ARHGAP10: variants seen among roughly 807,000 people sequenced by gnomAD.
ARHGAP10 encodes the protein rho GTPase-activating protein 10.
ARHGAP10 carries 87 observed loss-of-function variants against 108.6 expected under a neutral mutation model. The observed-to-expected ratio is 0.80, with a 90% CI of 0.67 to 0.96. The LOEUF (loss-of-function observed/expected upper bound fraction) is 0.96. ARHGAP10 is among the 40% of genes least tolerant of loss of function. The pLI is 0.00. For synonymous variants in ARHGAP10, 347 were observed against 341.1 expected (o/e 1.02, Z -0.19); for missense variants, 939 against 954.5 (o/e 0.98, Z 0.21).
chr4:147,968,903 G>C (rs1045989201), intron 18 of ARHGAP10, among the ~76,000 whole-genome samples: 7 of 152,188 alleles, frequency 4.6e-5, no homozygotes, highest in Admixed American at 2.0e-4. Context: ...GGGGGCGGAA[G>C]CCATGTTTTG....
At chr4:148,062,767 G>A (rs1315063224) in intron 20 of ARHGAP10, among the ~76,000 whole-genome samples, 2 of 152,108 alleles carry the variant, frequency 1.3e-5, no homozygotes, top group African/African-American at 4.8e-5. Flanking sequence ...GCAGCTGCCG[G>A]TCATGTGCTT....
In ARHGAP10 at chr4:147,946,624, A is replaced by C; in HGVS notation, c.1311A>C (p.Lys437Asn). 6.2e-7 allele frequency: 1 copy of C among 1,612,320 alleles called. No individual in the cohort carries two copies. The highest frequency in any genetic ancestry group is 8.5e-7 in the Non-Finnish European group (1 of 1,179,412). The change falls in exon 15 of 23, where the codon AAA becomes AAC. Residue 437 changes from lysine (K) to asparagine (N), a missense_variant. Physicochemically the swap from Lys to Asn is moderately conservative, Grantham distance 94. Coordinates refer to ENST00000336498, the MANE Select transcript of ARHGAP10 (RefSeq NM_024605.4). ...QRLLSMLMDV[K>N]TCNEVDLENS... ...TGTTTGCTTGCTCACTAGATGTAAAAACATGCAATGAGGTGGACCTGGAGA... is the reference window on the plus strand; with the variant it reads ...TGTTTGCTTGCTCACTAGATGTAAACACATGCAATGAGGTGGACCTGGAGA...
chr4:148,002,156 A>G (rs528209509), intron 18 of ARHGAP10, among the ~76,000 whole-genome samples: 7 of 152,124 alleles, frequency 4.6e-5, no homozygotes, highest in African/African-American at 1.4e-4. Context: ...CCTTTTTTGC[A>G]TCTATTGAGA....
At chr4:147,951,388 G>A (rs934803609) in intron 15 of ARHGAP10, among the ~76,000 whole-genome samples, 12 of 141,800 alleles carry the variant, frequency 8.5e-5, no homozygotes, top group African/African-American at 3.0e-4. Flanking sequence ...CCTTATTTAG[G>A]CTGTGGTATA....
chr4:148,040,551 A>G (rs1485662127), intron 19 of ARHGAP10, among the ~76,000 whole-genome samples: 1 of 152,040 alleles, frequency 6.6e-6, no homozygotes, highest in Non-Finnish European at 1.5e-5. Context: ...CATGTTGGCT[A>G]GGCTGGTCTC....
rs576837664 is a variant in ARHGAP10 at position 147,937,499 on chromosome 4, G to A, written c.1229-2326G>A. Among the ~76,000 whole-genome samples, 37 of 152,222 alleles carry A rather than the reference G, an allele frequency of 2.4e-4. No homozygotes were observed. The South Asian group carries it at 7.7e-3, about 32-fold the overall frequency. On this transcript the variant is annotated intron_variant, in intron 13 of 22. Coordinates refer to ENST00000336498, the MANE Select transcript of ARHGAP10 (RefSeq NM_024605.4). Reference sequence around the variant, plus strand: ...TCAGCCTATAACAGAAGGAAAAATAGGACATTTGTAAAACTTAAAAAATAA... The same window carrying A: ...TCAGCCTATAACAGAAGGAAAAATAAGACATTTGTAAAACTTAAAAAATAA...
At chr4:147,749,042 C>G (rs1035551922) in intron 1 of ARHGAP10, among the ~76,000 whole-genome samples, 1 of 152,128 alleles carries the variant, frequency 6.6e-6, no homozygotes, top group Admixed American at 6.5e-5. Context: ...TGATCTGGGC[C>G]TAGGGACTGC....
chr4:147,850,416 C>G (rs544994918), intron 4 of ARHGAP10, among the ~76,000 whole-genome samples: 7 of 152,338 alleles, frequency 4.6e-5, no homozygotes, highest in African/African-American at 1.7e-4. Flanking sequence ...TCCACACTAC[C>G]TTTATGAGCT....
intron 1 of ARHGAP10, among the ~76,000 whole-genome samples, chr4:147,782,351 T>C (rs966412853): frequency 6.6e-6 from 1 of 152,144 alleles, no homozygotes; most frequent in Non-Finnish European, 1.5e-5. Flanking sequence ...TGGTGGCATT[T>C]TCCACATGGC....
At chr4:147,921,255 G>T (rs1384094857) in intron 13 of ARHGAP10, among the ~76,000 whole-genome samples, 3 of 152,140 alleles carry the variant, frequency 2.0e-5, no homozygotes, top group African/African-American at 7.2e-5. Flanking sequence ...TGTTAGTTTG[G>T]GTAATGAAGG....
chr4:147,839,092 G>GTATC (rs139337846), intron 3 of ARHGAP10, among the ~76,000 whole-genome samples: 1,445 of 143,878 alleles, frequency 0.01, 21 homozygotes, highest in African/African-American at 0.026. Context: ...TAGATCTATC[G>GTATC]TATCTATCTA....
chr4:147,962,147 C>T (rs963204981), intron 16 of ARHGAP10, among the ~76,000 whole-genome samples: 1 of 152,236 alleles, frequency 6.6e-6, no homozygotes, highest in Non-Finnish European at 1.5e-5. Context: ...TCTCCTTCCT[C>T]AAGACAGCTT....
At chr4:147,875,387 C>G (rs1047521399) in intron 8 of ARHGAP10, among the ~76,000 whole-genome samples, 1 of 152,224 alleles carries the variant, frequency 6.6e-6, no homozygotes, top group East Asian at 1.9e-4. Context: ...TCAGACACCC[C>G]ACTAGCTTCT....
intron 11 of ARHGAP10, among the ~76,000 whole-genome samples, chr4:147,908,803 A>C (rs554424728): frequency 6.6e-6 from 1 of 152,314 alleles, no homozygotes; most frequent in African/African-American, 2.4e-5. Flanking sequence ...AGTATACACA[A>C]ATTTTCAATA....
In ARHGAP10 at chr4:148,006,416, G is replaced by A. The variant is rs574089316; in HGVS notation, c.1717-16847G>A. Among the ~76,000 whole-genome samples the A allele has an allele frequency of 8.5e-5, 13 of 152,340 alleles. No homozygotes were observed. The South Asian group carries it at 2.7e-3, about 32-fold the overall frequency. On this transcript the variant is annotated intron_variant, in intron 18 of 22. Coordinates refer to ENST00000336498, the MANE Select transcript of ARHGAP10 (RefSeq NM_024605.4). ...ATATGACCCTTGTCAGCCTGTTCCA[G>A]CTATTTCCCGTCTTTTGCCTGACCC...
rs138890648 is a variant in ARHGAP10, at chr4:148,069,210, T to A, written c.2273-2783T>A. On this transcript the variant is annotated intron_variant, in intron 22 of 22. Coordinates refer to ENST00000336498, the MANE Select transcript of ARHGAP10 (RefSeq NM_024605.4). ...AGAGCCTGCCAGCCTTATCTGCAAC[T>A]GCGGAGCCACTTTTCCTGTGCTTGG... 2.6e-4 allele frequency among the ~76,000 whole-genome samples: 39 copies of A among 152,292 alleles called. 1 individual carries two copies. In the East Asian group the frequency reaches 7.5e-3, roughly 29 times the overall value.
chr4:147,744,416 C>T (rs764854183), intron 1 of ARHGAP10, among the ~76,000 whole-genome samples: 1 of 151,914 alleles, frequency 6.6e-6, no homozygotes, highest in Non-Finnish European at 1.5e-5. Flanking sequence ...CCTTGGAAAG[C>T]AGGTTGAGGG....
At position 147,887,096 on chromosome 4, in the gene ARHGAP10, A is replaced by G. The variant is rs578055987; in HGVS notation, c.1034+5164A>G. 7.2e-5 allele frequency among the ~76,000 whole-genome samples: 11 copies of G among 152,228 alleles called. No individual in the cohort carries two copies. In the South Asian group the frequency reaches 2.3e-3, roughly 32 times the overall value. The stretch of plus-strand genomic sequence containing the variant: ...TTAGTTGCTGTATACTCCCAGTTGA[A>G]TATTTTATATTTTCCTCTCTCTCTT... On this transcript the variant is annotated intron_variant, in intron 10 of 22. Coordinates refer to ENST00000336498, the MANE Select transcript of ARHGAP10 (RefSeq NM_024605.4).
intron 1 of ARHGAP10, among the ~76,000 whole-genome samples, chr4:147,758,511 C>G (rs1378651578): frequency 6.6e-6 from 1 of 152,080 alleles, no homozygotes; most frequent in East Asian, 1.9e-4. Flanking sequence ...TTGGCTAATA[C>G]TTTTTGATGC....
Sources: allele counts gnomAD v4.1 joint callset (sites outside exome capture counted in the v4.1 genomes callset), GRCh38; gene constraint gnomAD v4.1.1; transcripts MANE v1.5; gene names NCBI Gene and HGNC (gene_info 2026-07-23, HGNC 2026-07-21).